The following USP37 variants were observed in gnomAD, a reference collection of about 807,000 sequenced individuals.
The protein encoded by USP37 is ubiquitin specific peptidase 37.
In USP37, 27 loss-of-function variants were observed where a neutral mutation model predicts 124.0. The ratio of observed to expected loss-of-function variants is 0.22; its 90% CI spans 0.16 to 0.30. The LOEUF (loss-of-function observed/expected upper bound fraction) is 0.30. USP37 is among the 10% of genes least tolerant of loss of function. USP37 has a pLI of 1.00. For missense variants in USP37, 889 were observed against 1,140.4 expected (o/e 0.78, Z 3.17); for synonymous variants, 365 against 388.0 (o/e 0.94, Z 0.70).
rs1689478454 is a variant in USP37 at position 218,451,541 on chromosome 2, CTTTAA to C, written c.*3384_*3388del. On this transcript the variant is annotated 3_prime_UTR_variant, in exon 26 of 26. Coordinates refer to ENST00000258399, the MANE Select transcript of USP37 (RefSeq NM_020935.3). Reference sequence around the variant, plus strand: ...GAGTTTACAAACTACTTTTTTTTCTCTTTAATTTAGGTGTTTGCAGATAATTTTCA... The same window carrying C: ...GAGTTTACAAACTACTTTTTTTTCTCTTTAGGTGTTTGCAGATAATTTTCA... 2.0e-5 allele frequency: 3 copies of C among 148,584 alleles called. No homozygotes were observed. Among genetic ancestry groups the C allele is most frequent in the African/African-American group, 7.5e-5 (3 of 40,156 alleles). 9.2% of individuals were successfully genotyped at this position (148,584 alleles called of 1,614,324 possible). A position where few individuals can be genotyped will look rare whatever the true frequency, so the allele number is the denominator to read the frequency against.
chr2:218,557,300 A>AT (rs1574964385), intron 4 of USP37, among the ~76,000 whole-genome samples: 1 of 152,262 alleles, frequency 6.6e-6, no homozygotes, highest in East Asian at 1.9e-4. Context: ...AAAGATCTGT[A>AT]TTTGGTTAAA....
intron 5 of USP37, among the ~76,000 whole-genome samples, chr2:218,552,360 G>A (rs1258097312): frequency 6.6e-6 from 1 of 152,186 alleles, no homozygotes; most frequent in Non-Finnish European, 1.5e-5. Flanking sequence ...TGTTGAAGAT[G>A]ACAGAGCTAA....
chr2:218,502,723 C>T (rs1439773989), intron 11 of USP37, among the ~76,000 whole-genome samples: 1 of 152,126 alleles, frequency 6.6e-6, no homozygotes, highest in Non-Finnish European at 1.5e-5. Flanking sequence ...CTTACAAGGG[C>T]AGAAGAATTA....
chr2:218,553,687 C>T lies in USP37; in HGVS notation c.194G>A (p.Ser65Asn). Reference protein sequence around the residue: ...HNIKNVVLRPSGAKQSRLMLT... With the variant: ...HNIKNVVLRPNGAKQSRLMLT... ...CATTAGGCGGCTTTGTTTCGCTCCA[C>T]TGGGTCGAAGCACCACATTTTTAAT... The change falls in exon 5 of 26, where the codon AGT becomes AAT. Residue 65 changes from serine (S) to asparagine (N), a missense_variant. Ser to Asn is a conservative substitution (Grantham distance 46). Transcript: ENST00000258399. The T allele has an allele frequency of 3.7e-6, 6 of 1,613,380 alleles. No homozygotes were observed. Among genetic ancestry groups the T allele is most frequent in the Non-Finnish European group, 5.1e-6 (6 of 1,179,618 alleles).
In USP37 at chr2:218,474,759, G is replaced by C; in HGVS notation, c.2170C>G (p.Leu724Val). ...EISKRDASPS[L>V]SHEDDDKPTS... ...GGCTTATCATCATCTTCATGACTCA[G>C]AGATGGTGAAGCATCTCTCTTACTT... Residue 724 changes from leucine (L) to valine (V), a missense_variant, in exon 20 of 26, where the codon CTG becomes GTG. Coordinates refer to ENST00000258399, the MANE Select transcript of USP37 (RefSeq NM_020935.3). The C allele has an allele frequency of 6.2e-7, 1 of 1,614,146 alleles. No individual in the cohort carries two copies. The highest frequency in any genetic ancestry group is 8.5e-7 in the Non-Finnish European group (1 of 1,180,026).
chr2:218,535,164 G>C (rs967925915), intron 8 of USP37, among the ~76,000 whole-genome samples: 12 of 151,668 alleles, frequency 7.9e-5, no homozygotes, highest in Non-Finnish European at 1.3e-4. Context: ...AGGAGTTCGA[G>C]ACCAGCCTGG....
At chr2:218,549,019 CCTAAT>C (rs1316178765) in intron 6 of USP37, among the ~76,000 whole-genome samples, 1 of 152,106 alleles carries the variant, frequency 6.6e-6, no homozygotes, top group Non-Finnish European at 1.5e-5. Context: ...GAAATTACAA[CCTAAT>C]CTATAGTGGG....
At chr2:218,505,112 T>A (rs1227634398) in intron 11 of USP37, among the ~76,000 whole-genome samples, 1 of 151,536 alleles carries the variant, frequency 6.6e-6, no homozygotes, top group South Asian at 2.1e-4. Flanking sequence ...CCTCCCAGGC[T>A]CAAGCAATCC....
At chr2:218,455,986 C>T (rs1027262324) in intron 24 of USP37, among the ~76,000 whole-genome samples, 6 of 152,084 alleles carry the variant, frequency 3.9e-5, no homozygotes, top group African/African-American at 1.4e-4. Context: ...GTGGAGGTTG[C>T]AGTGAACCGA....
intron 10 of USP37, among the ~76,000 whole-genome samples, chr2:218,527,778 G>C (rs993540745): frequency 1.3e-5 from 2 of 152,096 alleles, no homozygotes; most frequent in Non-Finnish European, 2.9e-5. Context: ...AATTACCACT[G>C]TAATCTATAA....
At chr2:218,465,820 T>C (rs745480003) in intron 21 of USP37, among the ~76,000 whole-genome samples, 190 bp downstream of exon 21, 1 of 152,164 alleles carries the variant, frequency 6.6e-6, no homozygotes, top group African/African-American at 2.4e-5. Flanking sequence ...CCTCCCAAAG[T>C]ACTGAGATTA....
In USP37 at chr2:218,474,730, A is replaced by G. The variant is rs768390499; in HGVS notation, c.2199T>C (p.Thr733=). 2.7e-5 allele frequency: 43 copies of G among 1,613,996 alleles called. No homozygotes were observed. The highest frequency in any genetic ancestry group is 3.4e-5 in the Non-Finnish European group (40 of 1,180,032). ...CTGCAAATCCGGTATCTGGGCTGCT[A>G]GTTGGCTTATCATCATCTTCATGAC... The part of the protein sequence containing the change: ...SLSHEDDDKP[T]SSPDTGFAED... Residue 733 remains threonine (T), a synonymous_variant, in exon 20 of 26, where the codon ACT becomes ACC. Transcript: ENST00000258399.
At chr2:218,455,882 C>T (rs1484996183) in intron 24 of USP37, among the ~76,000 whole-genome samples, 164 bp from the exon 25 acceptor site, 3 of 151,934 alleles carry the variant, frequency 2.0e-5, no homozygotes, top group East Asian at 1.9e-4. Context: ...CCCGTCTCTA[C>T]TAAAAATACA....
At chr2:218,501,703 T>C (rs1689399227) in intron 11 of USP37, among the ~76,000 whole-genome samples, 1 of 152,124 alleles carries the variant, frequency 6.6e-6, no homozygotes, top group Non-Finnish European at 1.5e-5. Flanking sequence ...CTGAGAGAAA[T>C]GAGTTCGAAA....
intron 23 of USP37, among the ~76,000 whole-genome samples, chr2:218,459,201 A>G (rs1689870313): frequency 6.6e-6 from 1 of 152,014 alleles, no homozygotes; most frequent in Non-Finnish European, 1.5e-5. Context: ...GTGTAACTAA[A>G]GGTAATTTTT....
chr2:218,475,050 C>G, intron 19 of USP37, 165 bp from the exon 20 acceptor site: 1 of 525,752 alleles, frequency 1.9e-6, no homozygotes, highest in East Asian at 3.3e-5. Context: ...GTGAGTCTAA[C>G]TTTAAAAATA....
At chr2:218,472,229 C>T (rs1690735376) in intron 20 of USP37, among the ~76,000 whole-genome samples, 1 of 152,010 alleles carries the variant, frequency 6.6e-6, no homozygotes, top group South Asian at 2.1e-4. Context: ...ACGAACTTGG[C>T]ACAGAATCAA....
rs573003043 is a variant in USP37, at chr2:218,469,004, G to A, written c.2300-2828C>T. 2.5e-3 allele frequency among the ~76,000 whole-genome samples: 377 copies of A among 152,238 alleles called. 2 individuals carry two copies. The highest frequency in any genetic ancestry group is 8.5e-3 in the African/African-American group (354 of 41,556). On this transcript the variant is annotated intron_variant, in intron 20 of 25. Coordinates refer to ENST00000258399, the MANE Select transcript of USP37 (RefSeq NM_020935.3). ...CACACTGCGCCCGGCTCCTAATACTGTATTTCTCTGTGGCACAGGTAACCC... is the reference window on the plus strand; with the variant it reads ...CACACTGCGCCCGGCTCCTAATACTATATTTCTCTGTGGCACAGGTAACCC...
chr2:218,546,394 C>T, intron 7 of USP37, 96 bp from the exon 8 acceptor site: 1 of 768,160 alleles, frequency 1.3e-6, no homozygotes, highest in South Asian at 1.7e-5. Flanking sequence ...AATGGGACTA[C>T]TATTATCTAA....
Sources: gnomAD v4.1 joint callset for allele counts (sites outside exome capture counted in the v4.1 genomes callset) on GRCh38, gnomAD v4.1.1 for gene constraint, MANE v1.5 for transcripts, NCBI Gene and HGNC (gene_info 2026-07-23, HGNC 2026-07-21) for gene names.